Variants in CNTN1 observed in about 807,000 individuals in gnomAD.
CNTN1 encodes the protein contactin 1.
Under a neutral mutation model 126.4 loss-of-function variants are expected in CNTN1, and 38 were observed. The observed-to-expected ratio is 0.30, with a 90% CI of 0.23 to 0.39. The LOEUF is 0.39. Ranked by LOEUF, CNTN1 falls within the 10% of genes least tolerant of loss-of-function variation. The pLI is 1.00. For synonymous variants in CNTN1, 413 were observed against 422.6 expected (o/e 0.98, Z 0.28); for missense variants, 1,009 against 1,248.4 (o/e 0.81, Z 2.89).
intron 14 of CNTN1, among the ~76,000 whole-genome samples, chr12:40,949,872 G>A (rs114557237): frequency 0.012 from 1,844 of 150,304 alleles, 31 homozygotes; most frequent in African/African-American, 0.042. Context: ...CACCGCACCC[G>A]GCCTCTATTC....
chr12:40,953,118 C>T (rs975602355), intron 14 of CNTN1, among the ~76,000 whole-genome samples: 12 of 151,954 alleles, frequency 7.9e-5, no homozygotes, highest in East Asian at 1.9e-4. Context: ...AGTTAGTTTA[C>T]GGGGGAAGGT....
At chr12:40,946,198 C>T (rs2136958776) in intron 14 of CNTN1, among the ~76,000 whole-genome samples, 1 of 152,228 alleles carries the variant, frequency 6.6e-6, no homozygotes, top group Admixed American at 6.6e-5. Flanking sequence ...CAAAGTTAAA[C>T]TTCACTGGTC....
chr12:40,788,028 A>T (rs1187687522), intron 1 of CNTN1, among the ~76,000 whole-genome samples: 1 of 152,142 alleles, frequency 6.6e-6, no homozygotes, highest in Non-Finnish European at 1.5e-5. Context: ...CACTATTAAA[A>T]ATAAAAAAAT....
intron 14 of CNTN1, among the ~76,000 whole-genome samples, chr12:40,953,677 T>C (rs969389248): frequency 5.3e-5 from 8 of 152,100 alleles, no homozygotes; most frequent in Non-Finnish European, 4.4e-5. Context: ...TAGAGTAGTT[T>C]AAAAATCGTA....
intron 1 of CNTN1, among the ~76,000 whole-genome samples, chr12:40,724,041 A>G (rs974832316): frequency 2.6e-5 from 4 of 152,092 alleles, no homozygotes; most frequent in Admixed American, 1.3e-4. Flanking sequence ...TATATTCATT[A>G]TTTTATATAT....
chr12:40,933,294 C>A (rs1227681642), intron 7 of CNTN1, among the ~76,000 whole-genome samples, 167 bp from the exon 8 acceptor site: 3 of 151,888 alleles, frequency 2.0e-5, no homozygotes, highest in Non-Finnish European at 4.4e-5. Flanking sequence ...ATACTATATT[C>A]ATACTGTGCA....
chr12:40,842,911 A>C (rs1439683060), intron 1 of CNTN1, among the ~76,000 whole-genome samples: 1 of 152,138 alleles, frequency 6.6e-6, no homozygotes, highest in Non-Finnish European at 1.5e-5. Flanking sequence ...TTTAATGACG[A>C]AAATGTGTCT....
chr12:40,947,826 CACAT>C (rs1566013421), intron 14 of CNTN1, among the ~76,000 whole-genome samples: 1 of 118,348 alleles, frequency 8.4e-6, no homozygotes, highest in Non-Finnish European at 1.8e-5. Flanking sequence ...CACACACACA[CACAT>C]ATGTATTACT....
chr12:40,990,468 T>G (rs2120479786), intron 16 of CNTN1, among the ~76,000 whole-genome samples: 1 of 152,230 alleles, frequency 6.6e-6, no homozygotes. Flanking sequence ...TCTTCCTTTC[T>G]TCATCTCACT....
intron 1 of CNTN1, among the ~76,000 whole-genome samples, chr12:40,818,976 G>C (rs556511689): frequency 6.6e-6 from 1 of 152,156 alleles, no homozygotes; most frequent in East Asian, 1.9e-4. Context: ...GTTCGCTTCA[G>C]GCCTTATTCA....
chr12:40,837,837 G>A (rs1942118493), intron 1 of CNTN1, among the ~76,000 whole-genome samples: 1 of 152,154 alleles, frequency 6.6e-6, no homozygotes, highest in South Asian at 2.1e-4. Flanking sequence ...AGACATGGAT[G>A]CCAGCTGGGT....
At chr12:41,016,264 T>C (rs1948777862) in intron 18 of CNTN1, among the ~76,000 whole-genome samples, 1 of 152,152 alleles carries the variant, frequency 6.6e-6, no homozygotes, top group African/African-American at 2.4e-5. Context: ...TAGACTTTGT[T>C]AGGGTTAAAG....
At chr12:40,736,504 T>C (rs1269381231) in intron 1 of CNTN1, among the ~76,000 whole-genome samples, 1 of 152,040 alleles carries the variant, frequency 6.6e-6, no homozygotes, top group African/African-American at 2.4e-5. Context: ...GTGAAATAAG[T>C]GGCTCTCACA....
chr12:40,773,290 C>T (rs1465946380), intron 1 of CNTN1, among the ~76,000 whole-genome samples: 2 of 151,776 alleles, frequency 1.3e-5, no homozygotes, highest in African/African-American at 4.8e-5. Flanking sequence ...TCTGCTCTGA[C>T]TGGCTTGGCA....
chr12:41,016,792 C>A lies in CNTN1; in HGVS notation c.2295C>A (p.Gly765=), dbSNP rs534419629. The part of the protein sequence containing the change: ...KKVTVTNPDT[G]RYVHKDETMS... ...TCACAGTTACTAATCCTGATACTGG[C>A]CGATATGTCCATAAAGATGAAACCA... The change falls in exon 19 of 24, where the codon GGC becomes GGA. Residue 765 remains glycine (G), a synonymous_variant. Transcript: ENST00000551295. 1.9e-6 allele frequency: 3 copies of A among 1,614,008 alleles called. No homozygotes were observed. The highest frequency in any genetic ancestry group is 1.3e-5 in the African/African-American group (1 of 74,998).
chr12:40,925,573 ATATACGTATATATACATG>A (rs1565961590), intron 6 of CNTN1, among the ~76,000 whole-genome samples: 1 of 124,392 alleles, frequency 8.0e-6, no homozygotes, highest in Non-Finnish European at 1.7e-5. Flanking sequence ...ATATATACGT[ATATACGTATATATACATG>A]TATATATATA....
At chr12:40,864,730 C>T (rs755280173) in intron 1 of CNTN1, among the ~76,000 whole-genome samples, 5 of 152,082 alleles carry the variant, frequency 3.3e-5, no homozygotes, top group Non-Finnish European at 5.9e-5. Context: ...TTTCTGTATC[C>T]GTTCATTAGC....
At chr12:41,029,271 A>AC in intron 23 of CNTN1, 52 bp downstream of exon 23, 1 of 1,601,468 alleles carries the variant, frequency 6.2e-7, no homozygotes. Context: ...GAGTTTCTAG[A>AC]CCCTGTGGAT....
chr12:40,855,143 A>C (rs1942857890), intron 1 of CNTN1, among the ~76,000 whole-genome samples: 1 of 152,150 alleles, frequency 6.6e-6, no homozygotes, highest in Non-Finnish European at 1.5e-5. Context: ...CTTGGATAGA[A>C]ATACTAATGA....
Sources: allele counts gnomAD v4.1 joint callset (sites outside exome capture counted in the v4.1 genomes callset), GRCh38; gene constraint gnomAD v4.1.1; transcripts MANE v1.5; gene names NCBI Gene and HGNC (gene_info 2026-07-23, HGNC 2026-07-21).